Variants in PRKN observed in about 807,000 individuals in gnomAD.
PRKN encodes the protein E3 ubiquitin-protein ligase parkin.
In PRKN, 56 loss-of-function variants were observed where a neutral mutation model predicts 59.5. The ratio of observed to expected loss-of-function variants is 0.94; its 90% confidence interval spans 0.76 to 1.18. The LOEUF (loss-of-function observed/expected upper bound fraction) is 1.18. Ranked by LOEUF, PRKN falls within the 50% of genes most tolerant of loss-of-function variation. The pLI is 0.00. For missense variants in PRKN, 657 were observed against 596.4 expected (o/e 1.10, Z -1.06); for synonymous variants, 250 against 222.1 (o/e 1.13, Z -1.12).
At chr6:162,259,799 A>G (rs1351890001) in intron 3 of PRKN, among the ~76,000 whole-genome samples, 1 of 152,192 alleles carries the variant, frequency 6.6e-6, no homozygotes, top group Non-Finnish European at 1.5e-5. Context: ...CACTCTTCTA[A>G]GAGATTTTGG....
chr6:161,516,826 CAAA>C (rs369136348), intron 9 of PRKN, among the ~76,000 whole-genome samples: 669 of 63,210 alleles, frequency 0.011, 6 homozygotes, highest in African/African-American at 0.04. Context: ...GACTCAATCT[CAAA>C]AAAAAAAAAA....
Position 162,561,153 on chromosome 6 carries a change from T to C in PRKN, c.8-117680A>G, listed in dbSNP as rs530451513. 3.5e-4 allele frequency among the ~76,000 whole-genome samples: 54 copies of C among 152,234 alleles called. 1 individual carries two copies. In the South Asian group the frequency reaches 0.011, roughly 30 times the overall value. ...CTGCAGTCCCAAGCGCATGGAGTGATGAAGATAAAGCTGAGGTCTCCAGGT... is the reference window on the plus strand; with the variant it reads ...CTGCAGTCCCAAGCGCATGGAGTGACGAAGATAAAGCTGAGGTCTCCAGGT... On this transcript the variant is annotated intron_variant, in intron 1 of 11. Coordinates refer to ENST00000366898, the MANE Select transcript of PRKN (RefSeq NM_004562.3).
chr6:162,134,048 C>T (rs1241315512), intron 4 of PRKN, among the ~76,000 whole-genome samples: 3 of 152,128 alleles, frequency 2.0e-5, no homozygotes, highest in Admixed American at 6.5e-5. Context: ...CTGTCTGATA[C>T]GAATGAATTA....
At chr6:162,329,356 G>A (rs1783470701) in intron 2 of PRKN, among the ~76,000 whole-genome samples, 1 of 152,088 alleles carries the variant, frequency 6.6e-6, no homozygotes, top group Non-Finnish European at 1.5e-5. Flanking sequence ...CGCACAGAGA[G>A]CCTCACTCTC....
At chr6:162,671,071 T>C (rs1034834987) in intron 1 of PRKN, among the ~76,000 whole-genome samples, 2 of 152,190 alleles carry the variant, frequency 1.3e-5, no homozygotes, top group African/African-American at 4.8e-5. Context: ...TAATCTTATC[T>C]ATTTAGAGAA....
chr6:161,780,086 C>T (rs1270262856), intron 7 of PRKN, among the ~76,000 whole-genome samples: 2 of 152,188 alleles, frequency 1.3e-5, no homozygotes, highest in East Asian at 3.8e-4. Context: ...CCTAAAGGTA[C>T]TTCATAAGGC....
chr6:162,303,070 T>C (rs1037876162), intron 2 of PRKN, among the ~76,000 whole-genome samples: 1 of 151,146 alleles, frequency 6.6e-6, no homozygotes, highest in African/African-American at 2.4e-5. Flanking sequence ...CAAAAGAACA[T>C]AAAACTAGTT....
chr6:162,561,953 A>C (rs945216336), intron 1 of PRKN, among the ~76,000 whole-genome samples: 4 of 152,170 alleles, frequency 2.6e-5, no homozygotes, highest in Non-Finnish European at 4.4e-5. Context: ...ATACTGAGAC[A>C]CTAGCTGGGA....
intron 1 of PRKN, among the ~76,000 whole-genome samples, chr6:162,719,729 T>C (rs973472799): frequency 2.6e-5 from 4 of 152,080 alleles, no homozygotes; most frequent in African/African-American, 9.7e-5. Flanking sequence ...CAACCCACAG[T>C]CAAGCCCTGT....
intron 2 of PRKN, among the ~76,000 whole-genome samples, chr6:162,367,064 G>T (rs550933742): frequency 6.6e-6 from 1 of 152,184 alleles, no homozygotes. Flanking sequence ...GACCCGGTGG[G>T]AGGTAGTTGA....
At chr6:162,349,813 A>G (rs559970234) in intron 2 of PRKN, among the ~76,000 whole-genome samples, 1 of 152,200 alleles carries the variant, frequency 6.6e-6, no homozygotes, top group Non-Finnish European at 1.5e-5. Context: ...TGCTCTTATC[A>G]GTTCTATTCA....
intron 2 of PRKN, among the ~76,000 whole-genome samples, chr6:162,342,448 CCTT>C (rs1449741818): frequency 1.8e-4 from 28 of 152,272 alleles, no homozygotes; most frequent in African/African-American, 6.3e-4. Flanking sequence ...TCTCATATCA[CCTT>C]CTTAATAACT....
intron 4 of PRKN, among the ~76,000 whole-genome samples, chr6:162,112,566 C>T (rs1055248015): frequency 1.3e-5 from 2 of 152,044 alleles, no homozygotes; most frequent in Non-Finnish European, 2.9e-5. Flanking sequence ...TATGCACTCC[C>T]CAACCTGAAT....
intron 6 of PRKN, among the ~76,000 whole-genome samples, chr6:161,893,132 C>T (rs1777476458): frequency 6.6e-6 from 1 of 152,228 alleles, no homozygotes; most frequent in African/African-American, 2.4e-5. Flanking sequence ...TGAGCCACCG[C>T]ACCCAGCCCA....
intron 7 of PRKN, among the ~76,000 whole-genome samples, chr6:161,608,279 AG>A (rs920537329): frequency 2.6e-5 from 4 of 152,226 alleles, no homozygotes; most frequent in African/African-American, 9.6e-5. Flanking sequence ...CCCAAACCCA[AG>A]TGAACAAGCA....
chr6:161,394,995 A>G (rs1458914962), intron 9 of PRKN, among the ~76,000 whole-genome samples: 2 of 152,166 alleles, frequency 1.3e-5, no homozygotes, highest in Non-Finnish European at 2.9e-5. Flanking sequence ...TATCATTTGC[A>G]GAGTCATGGA....
At chr6:162,584,581 C>A (rs1177334482) in intron 1 of PRKN, among the ~76,000 whole-genome samples, 1 of 151,928 alleles carries the variant, frequency 6.6e-6, no homozygotes, top group Admixed American at 6.6e-5. Flanking sequence ...GCAAAAAATT[C>A]ATTAATTTAT....
At chr6:162,441,280 T>C (rs1049334797) in intron 2 of PRKN, among the ~76,000 whole-genome samples, 1 of 152,176 alleles carries the variant, frequency 6.6e-6, no homozygotes, top group African/African-American at 2.4e-5. Flanking sequence ...AATGCCAAGT[T>C]AGTCAAGGTT....
chr6:162,040,406 CTTT>C (rs35510397), intron 5 of PRKN, among the ~76,000 whole-genome samples: 1 of 139,722 alleles, frequency 7.2e-6, no homozygotes, highest in Admixed American at 7.2e-5. Flanking sequence ...ATTAGAACCA[CTTT>C]TTTTTTTTTT....
Sources: allele counts gnomAD v4.1 joint callset (sites outside exome capture counted in the v4.1 genomes callset), GRCh38; gene constraint gnomAD v4.1.1; transcripts MANE v1.5; gene names NCBI Gene and HGNC (gene_info 2026-07-23, HGNC 2026-07-21).